The following SYNPO2L variants were observed in gnomAD, a reference collection of about 807,000 sequenced individuals.
SYNPO2L encodes synaptopodin 2-like protein.
A neutral mutation model predicts 47.5 loss-of-function variants in SYNPO2L; 34 were observed. The ratio of observed to expected loss-of-function variants is 0.72; its 90% CI spans 0.54 to 0.95. SYNPO2L has a LOEUF of 0.95. SYNPO2L is among the 40% of genes least tolerant of loss of function. SYNPO2L has a pLI of 0.00. For missense variants in SYNPO2L, 1,246 were observed against 1,282.0 expected (o/e 0.97, Z 0.43); for synonymous variants, 536 against 524.9 (o/e 1.02, Z -0.29).
Position 73,647,450 on chromosome 10 carries a change from G to A in SYNPO2L, c.2202C>T (p.Leu734=). Reference sequence around the variant, plus strand: ...CTGCCCCATTCACGAGCCCATCAAGGAGCCCTCGAGATGGGGGCTTAGGAG... The same window carrying A: ...CTGCCCCATTCACGAGCCCATCAAGAAGCCCTCGAGATGGGGGCTTAGGAG... ...PVAPKPPSRG[L]LDGLVNGAAS... The change falls in exon 4 of 4, where the codon CTC becomes CTT. Residue 734 remains leucine, a synonymous_variant. Coordinates refer to ENST00000394810, the MANE Select transcript of SYNPO2L (RefSeq NM_001114133.3). 1 of 1,604,850 alleles carries A rather than the reference G, an allele frequency of 6.2e-7. No homozygotes were observed. The highest frequency in any genetic ancestry group is 1.1e-5 in the South Asian group (1 of 90,618).
chr10:73,650,209 TGCTCCTTTGTAATGA>T (rs1183160200), intron 3 of SYNPO2L: 13 of 984,932 alleles, frequency 1.3e-5, no homozygotes, highest in Middle Eastern at 5.2e-4. Context: ...CAAGGTACCA[TGCTCCTTTGTAATGA>T]GCTCCTTTGT....
intron 3 of SYNPO2L, chr10:73,649,697 C>CCAGAGACCTCCCTG (rs1173270630): frequency 5.1e-6 from 5 of 985,072 alleles, no homozygotes; most frequent in Non-Finnish European, 6.0e-6. Flanking sequence ...GCCCTTCTTC[C>CCAGAGACCTCCCTG]CAGAGACCTC....
intron 3 of SYNPO2L, chr10:73,650,695 T>A (rs1002214390): frequency 1.0e-6 from 1 of 985,244 alleles, no homozygotes; most frequent in African/African-American, 1.7e-5. Flanking sequence ...TTCCCATGAG[T>A]TTTCTACAGC....
Position 73,645,733 on chromosome 10 carries a change from A to C in SYNPO2L, c.*985T>G. 21 of 985,938 alleles carry C rather than the reference A, an allele frequency of 2.1e-5. No homozygotes were observed. Among genetic ancestry groups the C allele is most frequent in the Non-Finnish European group, 2.4e-5 (20 of 830,000 alleles). The allele number at this position is 985,938 out of a possible 1,614,324, so 61.1% of individuals were successfully genotyped here. A position where few individuals can be genotyped will look rare whatever the true frequency, so the allele number is the denominator to read the frequency against. ...TACAGACATTGGTCTCTAAGGAGTT[A>C]TTCTCTAGTGAATCTCTTTCTCCCA... On this transcript the variant is annotated 3_prime_UTR_variant, in exon 4 of 4. Transcript: ENST00000394810.
Position 73,653,342 on chromosome 10 carries a change from C to G in SYNPO2L, c.569G>C (p.Gly190Ala). ...ACGGCTGTCACCCTGGCTGGGAGGG[C>G]CAGGGATAGTAGGTGCTGGCTCTGC... ...SPAEPAPTIP[G>A]PPSQGDSRVS... is the part of the protein sequence containing the mutation. The change falls in exon 3 of 4, where the codon GGC (glycine) becomes GCC (alanine). Residue 190 changes from glycine (G) to alanine (A), a missense_variant. By Grantham distance (60) the Gly-to-Ala change is moderately conservative. Coordinates refer to ENST00000394810, the MANE Select transcript of SYNPO2L (RefSeq NM_001114133.3). The G allele has an allele frequency of 6.4e-7, 1 of 1,551,570 alleles. No homozygotes were observed. Among genetic ancestry groups the G allele is most frequent in the Admixed American group, 2.0e-5 (1 of 51,004 alleles).
At chr10:73,650,748 C>G in intron 3 of SYNPO2L, 3 of 985,354 alleles carry the variant, frequency 3.0e-6, no homozygotes, top group Non-Finnish European at 3.6e-6. Context: ...CACAGCATCA[C>G]TGAGAAAGGG....
At position 73,651,525 on chromosome 10, in the gene SYNPO2L, T is replaced by A. The variant is rs530690314; in HGVS notation, c.772+1614A>T. On this transcript the variant is annotated intron_variant, in intron 3 of 3. Transcript: ENST00000394810. ...GATTTTGGAGGTAACAAGAACGGTCTCTGTGGGAAAGCACGGGAGGCATAG... is the reference window on the plus strand; with the variant it reads ...GATTTTGGAGGTAACAAGAACGGTCACTGTGGGAAAGCACGGGAGGCATAG... Among the ~76,000 whole-genome samples the A allele has an allele frequency of 6.6e-5, 10 of 152,252 alleles. No homozygotes were observed. The East Asian group carries it at 1.9e-3, about 29-fold the overall frequency.
intron 2 of SYNPO2L, 110 bp from the exon 3 acceptor site, chr10:73,653,763 G>A: frequency 7.3e-7 from 1 of 1,369,590 alleles, no homozygotes; most frequent in Non-Finnish European, 9.6e-7. Context: ...GTAAGGGAGA[G>A]AGAAGGCTGT....
Position 73,644,982 on chromosome 10 carries a change from C to T in SYNPO2L, c.*1736G>A, listed in dbSNP as rs938516495. Reference sequence around the variant, plus strand: ...ATCACTTTCCAGATTACACAGCAAACGTAGCTGGTGGTGGTCTTGGTGAGA... The same window carrying T: ...ATCACTTTCCAGATTACACAGCAAATGTAGCTGGTGGTGGTCTTGGTGAGA... On this transcript the variant is annotated 3_prime_UTR_variant, in exon 4 of 4. Transcript: ENST00000394810. 8.9e-6 allele frequency: 11 copies of T among 1,239,276 alleles called. No individual in the cohort carries two copies. Among genetic ancestry groups the T allele is most frequent in the Middle Eastern group, 2.2e-4 (1 of 4,576 alleles). The allele number at this position is 1,239,276 out of a possible 1,614,324, so 76.8% of individuals were successfully genotyped here.
In SYNPO2L at chr10:73,647,527, T is replaced by C. The variant is rs745729678; in HGVS notation, c.2125A>G (p.Met709Val). 6.3e-6 allele frequency: 10 copies of C among 1,586,966 alleles called. No individual in the cohort carries two copies. The highest frequency in any genetic ancestry group is 1.4e-5 in the African/African-American group (1 of 73,724). Residue 709 changes from methionine (M) to valine (V), a missense_variant, in exon 4 of 4, where the codon ATG (methionine) becomes GTG (valine). By Grantham distance (21) the Met-to-Val change is conservative (BLOSUM62 1). Transcript: ENST00000394810. ...ATAGGGGGCGGGGTCTTGGGAGCCA[T>C]TGGAGGGGGGGTCTTAGGTGTCACG... is the stretch of plus-strand genomic sequence containing the variant. ...PHVTPKTPPP[M>V]APKTPPPMTP...
chr10:73,646,380 A>G lies in SYNPO2L; in HGVS notation c.*338T>C, dbSNP rs2081749263. 6.8e-6 allele frequency: 7 copies of G among 1,033,186 alleles called. No individual in the cohort carries two copies. Among genetic ancestry groups the G allele is most frequent in the Non-Finnish European group, 8.1e-6 (7 of 862,470 alleles). 64.0% of individuals were successfully genotyped at this position (1,033,186 alleles called of 1,614,324 possible). ...CTGCTCTGTTTACTTCTCACTGAAC[A>G]TTAAAATGAGGCCCAGGGAGAAAAG... On this transcript the variant is annotated 3_prime_UTR_variant, in exon 4 of 4. Transcript: ENST00000394810.
chr10:73,653,000 C>G, intron 3 of SYNPO2L, 139 bp downstream of exon 3: 1 of 1,034,804 alleles, frequency 9.7e-7, no homozygotes, highest in Non-Finnish European at 1.3e-6. Context: ...AATTATGCTC[C>G]CCTTCTACTC....
Position 73,645,325 on chromosome 10 carries a change from A to C in SYNPO2L, c.*1393T>G. The C allele has an allele frequency of 9.3e-7, 1 of 1,070,164 alleles. No individual in the cohort carries two copies. 66.3% of individuals were successfully genotyped at this position (1,070,164 alleles called of 1,614,324 possible). On this transcript the variant is annotated 3_prime_UTR_variant, in exon 4 of 4. Transcript: ENST00000394810. ...TCTCACACACGGTTGGTTTCTTGTT[A>C]CTCAACTTTACCTTCTCCCAATATG... is the stretch of plus-strand genomic sequence containing the variant.
Position 73,649,923 on chromosome 10 carries a change from C to G in SYNPO2L, c.773-1044G>C, listed in dbSNP as rs75800409. ...GTCGCCAGCTAAATATATTATTTAC[C>G]CCAAGCTGGGGATGGTAGTGGGGTG... is the stretch of plus-strand genomic sequence containing the variant. On this transcript the variant is annotated intron_variant, in intron 3 of 3. Transcript: ENST00000394810. 2.4e-3 allele frequency: 2,392 copies of G among 985,328 alleles called. 13 individuals carry two copies. Among genetic ancestry groups the G allele is most frequent in the African/African-American group, 0.023 (1,310 of 57,314 alleles). The allele number at this position is 985,328 out of a possible 1,614,324, so 61.0% of individuals were successfully genotyped here. A position where few individuals can be genotyped will look rare whatever the true frequency, so the allele number is the denominator to read the frequency against.
intron 3 of SYNPO2L, among the ~76,000 whole-genome samples, chr10:73,652,758 G>A (rs1465029034): frequency 1.3e-5 from 2 of 152,104 alleles, no homozygotes; most frequent in South Asian, 2.1e-4. Context: ...TTACAGGTAT[G>A]AGCCACCTTG....
Position 73,648,873 on chromosome 10 carries a change from T to G in SYNPO2L, c.779A>C (p.Gln260Pro). 6.6e-7 allele frequency: 1 copy of G among 1,515,508 alleles called. No individual in the cohort carries two copies. 93.9% of individuals were successfully genotyped at this position (1,515,508 alleles called of 1,614,324 possible). ...CTTCTCTTGGAGGCTCTCTGCACGT[T>G]GCAGTTCTGGGGAGGCCAAGAGGTA... ...YTQKAKQAKL[Q>P]RAESLQEKSI... Residue 260 changes from glutamine to proline, a missense_variant, in exon 4 of 4, where the codon CAA (glutamine) becomes CCA (proline). This residue lies in a region of SYNPO2L where 1,037 missense variants were observed against 1,021.5 expected (regional missense o/e 1.02). Transcript: ENST00000394810.
chr10:73,648,816 G>A lies in SYNPO2L; in HGVS notation c.836C>T (p.Thr279Ile). The A allele has an allele frequency of 6.3e-7, 1 of 1,579,886 alleles. No homozygotes were observed. The highest frequency in any genetic ancestry group is 2.2e-5 in the East Asian group (1 of 44,508). Residue 279 changes from threonine (T) to isoleucine (I), a missense_variant, in exon 4 of 4, where the codon ACA (threonine) becomes ATA (isoleucine). By Grantham distance (89) the Thr-to-Ile change is moderately conservative. Around this residue, in one of 3 missense-constraint regions of SYNPO2L, gnomAD observed 1,037 missense variants for 1,021.5 expected, o/e 1.02. Coordinates refer to ENST00000394810, the MANE Select transcript of SYNPO2L (RefSeq NM_001114133.3). ...GGCTGCAGTGAGCAGGGATGCAATT[G>A]TCCTGCATTTGGTCTTGGCCTCTTT... ...SIKEAKTKCRTIASLLTAAPN... is the reference protein window; with the variant it reads ...SIKEAKTKCRIIASLLTAAPN...
chr10:73,654,243 CG>C lies in SYNPO2L; in HGVS notation c.142del (p.Arg48GlufsTer23), dbSNP rs1564995494. 2.6e-6 allele frequency: 4 copies of C among 1,551,638 alleles called. No individual in the cohort carries two copies. In the Admixed American group the frequency reaches 7.8e-5, roughly 30 times the overall value. On this transcript the variant is annotated frameshift_variant, in exon 2 of 4. Transcript: ENST00000394810. LOFTEE classifies it high-confidence loss of function. ...RRSQAGRAGL[R>X]ERDQLLAING... ...GATTGCCAAGAGCTGGTCCCTCTCT[CG>C]GAGTCCTGCTCTGCCAGCCTGGCTC...
rs2081873650 is a variant in SYNPO2L, at chr10:73,655,717, C to G, written c.105+101G>C. The G allele has an allele frequency of 2.8e-5, 5 of 181,246 alleles. No homozygotes were observed. In the South Asian group the frequency reaches 2.9e-4, roughly 10 times the overall value. 11.2% of individuals were successfully genotyped at this position (181,246 alleles called of 1,614,324 possible). Reference sequence around the variant, plus strand: ...CCACCACCCACCCCATCTTCACAGCCTCCCACCCCCCCAACCCCCGCCATA... The same window carrying G: ...CCACCACCCACCCCATCTTCACAGCGTCCCACCCCCCCAACCCCCGCCATA... On this transcript the variant is annotated intron_variant, in intron 1 of 3. Coordinates refer to ENST00000394810, the MANE Select transcript of SYNPO2L (RefSeq NM_001114133.3).
Sources: allele counts gnomAD v4.1 joint callset (sites outside exome capture counted in the v4.1 genomes callset), GRCh38; gene constraint gnomAD v4.1.1; regional missense constraint gnomAD v4.1.1; transcripts MANE v1.5; gene names NCBI Gene and HGNC (gene_info 2026-07-23, HGNC 2026-07-21).